The following CSRNP2 variants were observed in gnomAD, a reference collection of about 807,000 sequenced individuals.
CSRNP2 encodes the protein cysteine and serine rich nuclear protein 2, also known as cysteine/serine-rich nuclear protein 2.
In CSRNP2, 11 loss-of-function variants were observed where a neutral mutation model predicts 36.6. That is an observed-to-expected ratio of 0.30 (90% CI 0.19 to 0.50). The LOEUF is 0.50. CSRNP2 is among the 20% of genes least tolerant of loss of function. The pLI, the probability that CSRNP2 is intolerant of heterozygous loss-of-function variation, is 0.98. For synonymous variants in CSRNP2, 248 were observed against 275.3 expected (o/e 0.90, Z 0.98); for missense variants, 483 against 691.4 (o/e 0.70, Z 3.38).
intron 4 of CSRNP2, among the ~76,000 whole-genome samples, chr12:51,066,578 T>C (rs1194278643): frequency 6.8e-6 from 1 of 147,426 alleles, no homozygotes; most frequent in African/African-American, 2.5e-5. Flanking sequence ...GAGGTGGAGG[T>C]AGCAGTGAGC....
intron 3 of CSRNP2, among the ~76,000 whole-genome samples, chr12:51,073,226 A>AACATACATACATACATACAT (rs112779685): frequency 6.6e-6 from 1 of 150,774 alleles, no homozygotes; most frequent in Admixed American, 6.6e-5. Flanking sequence ...CTCAAAAGAA[A>AACATACATACATACATACAT]ACATACATAC....
chr12:51,074,845 T>A (rs1406973438), intron 2 of CSRNP2, among the ~76,000 whole-genome samples: 4 of 152,022 alleles, frequency 2.6e-5, no homozygotes, highest in Non-Finnish European at 2.9e-5. Context: ...GGCAGGCAGA[T>A]CATGAGGTCA....
intron 2 of CSRNP2, among the ~76,000 whole-genome samples, chr12:51,075,065 AAAAC>A (rs919197582): frequency 1.3e-5 from 2 of 152,170 alleles, no homozygotes; most frequent in Non-Finnish European, 2.9e-5. Flanking sequence ...CTCCATCTCA[AAAAC>A]AAACAAACAA....
At chr12:51,079,054 T>C (rs571464028) in intron 1 of CSRNP2, among the ~76,000 whole-genome samples, 3 of 152,222 alleles carry the variant, frequency 2.0e-5, no homozygotes, top group African/African-American at 7.2e-5. Context: ...TAAAAAAGGA[T>C]GAGTTCATGT....
intron 2 of CSRNP2, among the ~76,000 whole-genome samples, chr12:51,074,580 G>A (rs1939317934): frequency 6.6e-6 from 1 of 152,082 alleles, no homozygotes. Context: ...TTGAACTTCA[G>A]CTGGTTCATA....
chr12:51,081,386 T>C (rs956537809), intron 1 of CSRNP2: 4 of 152,256 alleles, frequency 2.6e-5, no homozygotes, highest in African/African-American at 9.6e-5. Context: ...ATTCATCAAA[T>C]TAATCTTTCA....
chr12:51,068,071 T>G, intron 3 of CSRNP2, 102 bp from the exon 4 acceptor site: 1 of 1,110,992 alleles, frequency 9.0e-7, no homozygotes, highest in Non-Finnish European at 1.3e-6. Flanking sequence ...TCTGCAATCA[T>G]GGGAATATCT....
intron 3 of CSRNP2, among the ~76,000 whole-genome samples, chr12:51,073,140 G>C (rs536920143): frequency 7.2e-5 from 11 of 152,122 alleles, no homozygotes; most frequent in African/African-American, 2.4e-4. Flanking sequence ...GATGGCTTGA[G>C]GCCAGGAGTT....
At chr12:51,071,909 A>G (rs1473625365) in intron 3 of CSRNP2, among the ~76,000 whole-genome samples, 2 of 152,178 alleles carry the variant, frequency 1.3e-5, no homozygotes, top group Non-Finnish European at 2.9e-5. Context: ...AATTCCTCAG[A>G]CAGAGGAAAG....
In CSRNP2 at chr12:51,073,910, A is replaced by C. The variant is rs763852155; in HGVS notation, c.324T>G (p.Cys108Trp). ...RHNSVRSYTL[C>W]EFAQEQEVNH... Reference sequence around the variant, plus strand: ...TCACCTCCTGTTCCTGGGCAAACTCACAGAGTGTATAGCTCCGTACAGAGT... The same window carrying C: ...TCACCTCCTGTTCCTGGGCAAACTCCCAGAGTGTATAGCTCCGTACAGAGT... The change falls in exon 3 of 5, where the codon TGT becomes TGG. Residue 108 changes from cysteine (C) to tryptophan (W), a missense_variant. Coordinates refer to ENST00000228515, the MANE Select transcript of CSRNP2 (RefSeq NM_030809.3). The C allele has an allele frequency of 2.5e-6, 4 of 1,613,892 alleles. No homozygotes were observed. In the African/African-American group the frequency reaches 5.3e-5, roughly 22 times the overall value.
In CSRNP2 at chr12:51,064,558, T is replaced by C. The variant is rs902158213; in HGVS notation, c.820A>G (p.Met274Val). Reference sequence around the variant, plus strand: ...CGCTTGCTCTCCAGCTCCAGCTTCATAATGGTGTGGAGGTAATGAGTCCGG... The same window carrying C: ...CGCTTGCTCTCCAGCTCCAGCTTCACAATGGTGTGGAGGTAATGAGTCCGG... Reference protein sequence around the residue: ...RVRTHYLHTIMKLELESKRQV... With the variant: ...RVRTHYLHTIVKLELESKRQV... Residue 274 changes from methionine to valine, a missense_variant, in exon 5 of 5, where the codon ATG becomes GTG. Physicochemically the swap from Met to Val is conservative, Grantham distance 21 (BLOSUM62 1). Coordinates refer to ENST00000228515, the MANE Select transcript of CSRNP2 (RefSeq NM_030809.3). 4 of 1,613,096 alleles carry C rather than the reference T, an allele frequency of 2.5e-6. No homozygotes were observed. The highest frequency in any genetic ancestry group is 3.4e-6 in the Non-Finnish European group (4 of 1,179,544).
Position 51,083,505 on chromosome 12 carries a change from C to T in CSRNP2, c.-253G>A, listed in dbSNP as rs1232947086. The T allele has an allele frequency of 1.3e-5, 2 of 152,294 alleles. No individual in the cohort carries two copies. The allele number at this position is 152,294 out of a possible 1,614,324, so 9.4% of individuals were successfully genotyped here. On this transcript the variant is annotated 5_prime_UTR_variant, in exon 1 of 5. Transcript: ENST00000228515. ...GCGGGGAGGGAGGGCGGTGGGCAGC[C>T]CAGCCGGCAGGCAGAGAGGGCCGGG... is the stretch of plus-strand genomic sequence containing the variant.
intron 2 of CSRNP2, among the ~76,000 whole-genome samples, chr12:51,075,790 T>A (rs1437081381): frequency 6.6e-6 from 1 of 152,212 alleles, no homozygotes; most frequent in Non-Finnish European, 1.5e-5. Context: ...GGCTCACGCC[T>A]GTAATCCCTG....
chr12:51,074,134 T>C (rs757731878), intron 2 of CSRNP2, 52 bp from the exon 3 acceptor site: 1 of 1,552,492 alleles, frequency 6.4e-7, no homozygotes, highest in East Asian at 2.4e-5. Context: ...TTTATTTATT[T>C]AGAGATGGAG....
Position 51,064,681 on chromosome 12 carries a change from CAAG to C in CSRNP2, c.709-15_709-13del, listed in dbSNP as rs1329114056. 1.3e-5 allele frequency: 20 copies of C among 1,500,920 alleles called. No individual in the cohort carries two copies. Among genetic ancestry groups the C allele is most frequent in the Non-Finnish European group, 1.8e-5 (20 of 1,123,440 alleles). 93.0% of individuals were successfully genotyped at this position (1,500,920 alleles called of 1,614,324 possible). On this transcript the variant is annotated splice_polypyrimidine_tract_variant and intron_variant, in intron 4 of 4. Coordinates refer to ENST00000228515, the MANE Select transcript of CSRNP2 (RefSeq NM_030809.3). ...GACATGCGATCCACCTGAGCGGGGA[CAAG>C]AAGGTTGGGGCAAGATGAGACCTAC... is the stretch of plus-strand genomic sequence containing the variant.
At position 51,064,663 on chromosome 12, in the gene CSRNP2, G is replaced by A. The variant is rs1403121821; in HGVS notation, c.715C>T (p.Arg239Cys). 8 of 1,520,212 alleles carry A rather than the reference G, an allele frequency of 5.3e-6. No homozygotes were observed. Among genetic ancestry groups the A allele is most frequent in the Non-Finnish European group, 6.2e-6 (7 of 1,132,150 alleles). 94.2% of individuals were successfully genotyped at this position (1,520,212 alleles called of 1,614,324 possible). Residue 239 changes from arginine to cysteine, a missense_variant, in exon 5 of 5, where the codon CGC becomes TGC. This residue lies in a region of CSRNP2 where 206 missense variants were observed against 367.8 expected (regional missense o/e 0.56). Coordinates refer to ENST00000228515, the MANE Select transcript of CSRNP2 (RefSeq NM_030809.3). ...GAGCAGCCACATGGAAAGGACATGC[G>A]ATCCACCTGAGCGGGGACAAGAAGG... ...SQAGIKCQVDRMSFPCGCSRD... is the reference protein window; with the variant it reads ...SQAGIKCQVDCMSFPCGCSRD...
Position 51,076,655 on chromosome 12 carries a change from G to T in CSRNP2, c.-86-8C>A. 1 of 1,408,884 alleles carries T rather than the reference G, an allele frequency of 7.1e-7. No individual in the cohort carries two copies. The highest frequency in any genetic ancestry group is 9.8e-7 in the Non-Finnish European group (1 of 1,016,080). 87.3% of individuals were successfully genotyped at this position (1,408,884 alleles called of 1,614,324 possible). A position where few individuals can be genotyped will look rare whatever the true frequency, so the allele number is the denominator to read the frequency against. ...GCCAGGTACATTAGGATTCTGCCCA[G>T]GGAAAAAAAGGAATCAGCATTCCTG... is the stretch of plus-strand genomic sequence containing the variant. On this transcript the variant is annotated splice_region_variant and splice_polypyrimidine_tract_variant and intron_variant, in intron 1 of 4. Coordinates refer to ENST00000228515, the MANE Select transcript of CSRNP2 (RefSeq NM_030809.3).
At chr12:51,072,947 C>T (rs1939245581) in intron 3 of CSRNP2, among the ~76,000 whole-genome samples, 1 of 151,944 alleles carries the variant, frequency 6.6e-6, no homozygotes, top group Non-Finnish European at 1.5e-5. Context: ...GGGTGTTGGG[C>T]ATGGTGGCTC....
At chr12:51,072,138 C>T (rs542788481) in intron 3 of CSRNP2, among the ~76,000 whole-genome samples, 31 of 152,272 alleles carry the variant, frequency 2.0e-4, no homozygotes, top group South Asian at 1.2e-3. Flanking sequence ...GGTCAGCATG[C>T]TTTGGGCTTC....
Sources: gnomAD v4.1 joint callset for allele counts (sites outside exome capture counted in the v4.1 genomes callset) on GRCh38, gnomAD v4.1.1 for gene constraint, gnomAD v4.1.1 regional missense constraint, MANE v1.5 for transcripts, NCBI Gene and HGNC (gene_info 2026-07-23, HGNC 2026-07-21) for gene names.